SPMIP4: variants seen among roughly 807,000 people sequenced by gnomAD.
SPMIP4 encodes sperm microtubule inner protein 4.
At chr7:25,153,637 A>G in the SPMIP4 span, among the ~76,000 whole-genome samples, 1 of 152,218 alleles carries the variant, frequency 6.6e-6, no homozygotes, top group Non-Finnish European at 1.5e-5. Context: ...TGTACTTCAG[A>G]TAATTTCAGA....
At chr7:25,141,709 T>TAA in the SPMIP4 span, among the ~76,000 whole-genome samples, 14 of 149,434 alleles carry the variant, frequency 9.4e-5, no homozygotes, top group African/African-American at 2.7e-4. Flanking sequence ...GAAAATCTGT[T>TAA]AAAAAAAAAA....
At chr7:25,172,802 A>G in the SPMIP4 span, among the ~76,000 whole-genome samples, 3 of 152,236 alleles carry the variant, frequency 2.0e-5, no homozygotes, top group South Asian at 6.2e-4. This position sits in a 1 kb window ranked among gnomAD's most constrained non-coding sequence, Gnocchi z 4.2. Context: ...TGAATTTTGA[A>G]CTATATTAGA....
At chr7:25,146,443 C>G in the SPMIP4 span, among the ~76,000 whole-genome samples, 1 of 152,142 alleles carries the variant, frequency 6.6e-6, no homozygotes, top group African/African-American at 2.4e-5. Context: ...CTGTGGGCAT[C>G]CAGTTATTTG....
chr7:25,140,598 G>A, the SPMIP4 span, among the ~76,000 whole-genome samples: 3 of 151,444 alleles, frequency 2.0e-5, no homozygotes, highest in South Asian at 2.1e-4. Flanking sequence ...CACCACGCCC[G>A]GCCCTCAGCT....
At chr7:25,154,862 T>C in the SPMIP4 span, 18 of 715,460 alleles carry the variant, frequency 2.5e-5, no homozygotes, top group Non-Finnish European at 3.8e-5. Context: ...GCCAGCTGAT[T>C]TGTAAAGTCG....
chr7:25,133,147 G>A, the SPMIP4 span, among the ~76,000 whole-genome samples: 1 of 152,176 alleles, frequency 6.6e-6, no homozygotes, highest in Non-Finnish European at 1.5e-5. Context: ...GGAGGTAGGA[G>A]GGAAGGAATT....
the SPMIP4 span, chr7:25,151,646 C>A: frequency 6.2e-7 from 1 of 1,611,610 alleles, no homozygotes; most frequent in Non-Finnish European, 8.5e-7. Flanking sequence ...TTCTTTGAAT[C>A]CATGGGAATA....
At chr7:25,165,058 A>G in the SPMIP4 span, among the ~76,000 whole-genome samples, 2 of 152,048 alleles carry the variant, frequency 1.3e-5, no homozygotes, top group East Asian at 1.9e-4. Context: ...TATTTTTGCA[A>G]TTGCGAATTG....
the SPMIP4 span, chr7:25,179,783 T>TGCAGC: frequency 1.3e-5 from 2 of 152,626 alleles, no homozygotes; most frequent in Non-Finnish European, 2.9e-5. Flanking sequence ...GAGTCAGTAG[T>TGCAGC]GCAGCACGAA....
chr7:25,149,286 T>C, the SPMIP4 span, among the ~76,000 whole-genome samples: 1 of 100,916 alleles, frequency 9.9e-6, no homozygotes, highest in South Asian at 3.7e-4. Context: ...AAGAACACTG[T>C]AGATTACCTC....
the SPMIP4 span, among the ~76,000 whole-genome samples, chr7:25,176,579 T>C: frequency 1.3e-5 from 2 of 152,166 alleles, no homozygotes; most frequent in Admixed American, 1.3e-4. The surrounding 1 kb of genome is among the most constrained non-coding windows in gnomAD (Gnocchi z 4.4). Flanking sequence ...TAAGTGAAAA[T>C]AGCAATTGAT....
the SPMIP4 span, among the ~76,000 whole-genome samples, chr7:25,131,743 A>G: frequency 6.6e-6 from 1 of 152,174 alleles, no homozygotes; most frequent in Non-Finnish European, 1.5e-5. The surrounding 1 kb of genome is among the most constrained non-coding windows in gnomAD (Gnocchi z 4.2). Context: ...TTATAGCTCT[A>G]TTAGAAGCCA....
the SPMIP4 span, among the ~76,000 whole-genome samples, chr7:25,143,659 A>G: frequency 4.7e-5 from 7 of 147,974 alleles, no homozygotes; most frequent in African/African-American, 1.8e-4. Flanking sequence ...TGGTACAATC[A>G]TAGCTCACTG....
At chr7:25,141,087 G>T in the SPMIP4 span, among the ~76,000 whole-genome samples, 1 of 152,136 alleles carries the variant, frequency 6.6e-6, no homozygotes, top group Non-Finnish European at 1.5e-5. Context: ...TAAACCAACA[G>T]ATTATACTTT....
chr7:25,153,273 G>T, the SPMIP4 span, among the ~76,000 whole-genome samples: 1 of 152,074 alleles, frequency 6.6e-6, no homozygotes, highest in Non-Finnish European at 1.5e-5. Context: ...ACTGAAAAGT[G>T]TTTTTATGGG....
At chr7:25,179,132 A>G in the SPMIP4 span, 1 of 1,567,146 alleles carries the variant, frequency 6.4e-7, no homozygotes, top group Non-Finnish European at 8.7e-7. Flanking sequence ...CGAATACATT[A>G]AAACTGCTTT....
chr7:25,155,867 A>G, the SPMIP4 span, among the ~76,000 whole-genome samples: 1 of 152,192 alleles, frequency 6.6e-6, no homozygotes, highest in African/African-American at 2.4e-5. Flanking sequence ...ACTAGAAGAA[A>G]AGCAAAATTA....
chr7:25,151,991 C>T, the SPMIP4 span, among the ~76,000 whole-genome samples: 4 of 152,148 alleles, frequency 2.6e-5, no homozygotes, highest in African/African-American at 9.7e-5. Flanking sequence ...GCTTGTTGCT[C>T]TTGAATTCTT....
the SPMIP4 span, among the ~76,000 whole-genome samples, chr7:25,143,073 T>A: frequency 6.6e-6 from 1 of 152,230 alleles, no homozygotes; most frequent in Non-Finnish European, 1.5e-5. Flanking sequence ...TAATGTGTAT[T>A]GGAGAAATGT....
Sources: allele counts gnomAD v4.1 joint callset (sites outside exome capture counted in the v4.1 genomes callset), GRCh38; gene constraint gnomAD v4.1.1; non-coding constraint Gnocchi (gnomAD v3.1); transcripts MANE v1.5; gene names NCBI Gene and HGNC (gene_info 2026-07-23, HGNC 2026-07-21).